The following PACSIN1 variants were observed in gnomAD, a reference collection of about 807,000 sequenced individuals.
The protein encoded by PACSIN1 is protein kinase C and casein kinase substrate in neurons protein 1.
A neutral mutation model predicts 59.5 loss-of-function variants in PACSIN1; 15 were observed. The ratio of observed to expected loss-of-function variants is 0.25; its 90% CI spans 0.17 to 0.39. The LOEUF (loss-of-function observed/expected upper bound fraction) is 0.39. PACSIN1 is among the 10% of genes least tolerant of loss of function. PACSIN1 has a pLI of 1.00. For missense variants in PACSIN1, 420 were observed against 580.2 expected (o/e 0.72, Z 2.84); for synonymous variants, 210 against 220.6 (o/e 0.95, Z 0.42).
chr6:34,498,006 C>G (rs1437537356), intron 1 of PACSIN1, among the ~76,000 whole-genome samples: 1 of 152,176 alleles, frequency 6.6e-6, no homozygotes, highest in Admixed American at 6.5e-5. Flanking sequence ...TGCCCCACCA[C>G]AGAGATTCTG....
At chr6:34,528,987 G>A in intron 4 of PACSIN1, 110 bp downstream of exon 4, 1 of 826,480 alleles carries the variant, frequency 1.2e-6, no homozygotes, top group Non-Finnish European at 1.9e-6. Flanking sequence ...TGCCCTCTGG[G>A]ATTGTGCCCA....
Position 34,530,462 on chromosome 6 carries a change from G to T in PACSIN1, c.912G>T (p.Glu304Asp), listed in dbSNP as rs778528359. ...GACTGCTCCACTGGCCCCACCAGGA[G>T]TGGAACCCAGACCTTCCTCACACCA... ...GMPMNWPQFE[E>D]WNPDLPHTTT... Residue 304 changes from glutamate to aspartate, a missense_variant and splice_region_variant, in exon 8 of 10, where the codon GAG becomes GAT. By Grantham distance (45) the Glu-to-Asp change is conservative (BLOSUM62 2). Transcript: ENST00000244458. The surrounding 1 kb of genome is among the most constrained non-coding windows in gnomAD (Gnocchi z 4.4). 3 of 1,600,256 alleles carry T rather than the reference G, an allele frequency of 1.9e-6. No individual in the cohort carries two copies. The highest frequency in any genetic ancestry group is 2.7e-5 in the African/African-American group (2 of 74,428).
At position 34,531,528 on chromosome 6, in the gene PACSIN1, T is replaced by C. The variant is rs1767592573; in HGVS notation, c.1038-72T>C. ...TAGAATTCGGGATCAGGGCTCTGAT[T>C]AGGAGGAGCGGTTAGCCCTCGGGAT... On this transcript the variant is annotated intron_variant, in intron 8 of 9. Coordinates refer to ENST00000244458, the MANE Select transcript of PACSIN1 (RefSeq NM_020804.5). The surrounding 1 kb of genome is among the most constrained non-coding windows in gnomAD (Gnocchi z 4.4). 6.7e-7 allele frequency: 1 copy of C among 1,489,410 alleles called. No individual in the cohort carries two copies. Among genetic ancestry groups the C allele is most frequent in the East Asian group, 2.3e-5 (1 of 43,694 alleles). 92.3% of individuals were successfully genotyped at this position (1,489,410 alleles called of 1,614,324 possible).
At chr6:34,506,721 A>C (rs996951960) in intron 1 of PACSIN1, among the ~76,000 whole-genome samples, 1 of 151,944 alleles carries the variant, frequency 6.6e-6, no homozygotes, top group African/African-American at 2.4e-5. Context: ...CAGTGGTGGG[A>C]GTTCTGGCAC....
intron 1 of PACSIN1, among the ~76,000 whole-genome samples, chr6:34,492,607 C>T (rs1270198682): frequency 6.6e-6 from 1 of 152,176 alleles, no homozygotes; most frequent in Non-Finnish European, 1.5e-5. Flanking sequence ...GTCTCGAACT[C>T]CTGACCTCAA....
At position 34,535,196 on chromosome 6, in the gene PACSIN1, CTG is replaced by C. The variant is rs1490911927; in HGVS notation, c.*2669_*2670del. On this transcript the variant is annotated 3_prime_UTR_variant, in exon 10 of 10. Coordinates refer to ENST00000244458, the MANE Select transcript of PACSIN1 (RefSeq NM_020804.5). Reference sequence around the variant, plus strand: ...ATATATATCAGTTGTGATTGTATGACTGTGGATAAAATCCAGAACTGTGTCAA... The same window carrying C: ...ATATATATCAGTTGTGATTGTATGACTGGATAAAATCCAGAACTGTGTCAA... 2 of 152,184 alleles carry C rather than the reference CTG, an allele frequency of 1.3e-5. No individual in the cohort carries two copies. Among genetic ancestry groups the C allele is most frequent in the Non-Finnish European group, 2.9e-5 (2 of 68,054 alleles). The allele number at this position is 152,184 out of a possible 1,614,324, so 9.4% of individuals were successfully genotyped here.
At chr6:34,527,187 G>C (rs2282250) in intron 2 of PACSIN1, 145 bp from the exon 3 acceptor site, 94 of 833,082 alleles carry the variant, frequency 1.1e-4, no homozygotes, top group Non-Finnish European at 1.4e-4. Flanking sequence ...GCCGCGGGGC[G>C]GGGGGCGGGG....
chr6:34,531,503 T>G lies in PACSIN1; in HGVS notation c.1038-97T>G, dbSNP rs1381652487. 7.8e-7 allele frequency: 1 copy of G among 1,277,866 alleles called. No individual in the cohort carries two copies. Among genetic ancestry groups the G allele is most frequent in the Non-Finnish European group, 1.1e-6 (1 of 900,724 alleles). The allele number at this position is 1,277,866 out of a possible 1,614,324, so 79.2% of individuals were successfully genotyped here. ...TGGCCAATCCTTGCTCTAGCCTTGG[T>G]AGAATTCGGGATCAGGGCTCTGATT... On this transcript the variant is annotated intron_variant, in intron 8 of 9. Coordinates refer to ENST00000244458, the MANE Select transcript of PACSIN1 (RefSeq NM_020804.5). This position sits in a 1 kb window ranked among gnomAD's most constrained non-coding sequence, Gnocchi z 4.4.
chr6:34,530,977 C>T lies in PACSIN1; in HGVS notation c.1037+390C>T, dbSNP rs761665997. Among the ~76,000 whole-genome samples the T allele has an allele frequency of 1.3e-5, 2 of 152,192 alleles. No individual in the cohort carries two copies. Among genetic ancestry groups the T allele is most frequent in the African/African-American group, 4.8e-5 (2 of 41,438 alleles). ...GAGGTGCAGCTCAGGCGATAATGCTCCCTCGCCTGTCACTCACCTCCTGCT... is the reference window on the plus strand; with the variant it reads ...GAGGTGCAGCTCAGGCGATAATGCTTCCTCGCCTGTCACTCACCTCCTGCT... On this transcript the variant is annotated intron_variant, in intron 8 of 9. Transcript: ENST00000244458. This position sits in a 1 kb window ranked among gnomAD's most constrained non-coding sequence, Gnocchi z 4.4.
At chr6:34,500,535 C>T (rs1437203675) in intron 1 of PACSIN1, among the ~76,000 whole-genome samples, 1 of 152,172 alleles carries the variant, frequency 6.6e-6, no homozygotes, top group Admixed American at 6.5e-5. Flanking sequence ...GGCTTCCAGG[C>T]TTTGTTGTTC....
intron 1 of PACSIN1, among the ~76,000 whole-genome samples, chr6:34,483,454 G>A (rs991190342): frequency 1.3e-5 from 2 of 152,012 alleles, no homozygotes; most frequent in Admixed American, 1.3e-4. Flanking sequence ...AGTGGCTTGC[G>A]CAGGGCCACG....
chr6:34,471,872 G>A lies in PACSIN1; in HGVS notation c.-64+5602G>A, dbSNP rs549094860. ...AGACCTCTTTGTACGCTGTGATTTC[G>A]GGCAGTTGTTCGTTCTGGGATTTAA... is the stretch of plus-strand genomic sequence containing the variant. On this transcript the variant is annotated intron_variant, in intron 1 of 9. Coordinates refer to ENST00000244458, the MANE Select transcript of PACSIN1 (RefSeq NM_020804.5). Among the ~76,000 whole-genome samples, 429 of 152,240 alleles carry A rather than the reference G, an allele frequency of 2.8e-3. 4 individuals are homozygous for A. Among genetic ancestry groups the A allele is most frequent in the African/African-American group, 9.8e-3 (406 of 41,528 alleles).
rs930588189 is a variant in PACSIN1 at position 34,530,830 on chromosome 6, A to G, written c.1037+243A>G. Reference sequence around the variant, plus strand: ...GGTGGTTTTCGGATGAAACTGTTCCACCTCAGATCATCAGGCGTTAGATTC... The same window carrying G: ...GGTGGTTTTCGGATGAAACTGTTCCGCCTCAGATCATCAGGCGTTAGATTC... On this transcript the variant is annotated intron_variant, in intron 8 of 9. Transcript: ENST00000244458. The surrounding 1 kb of genome is among the most constrained non-coding windows in gnomAD (Gnocchi z 4.4). Among the ~76,000 whole-genome samples, 5 of 152,122 alleles carry G rather than the reference A, an allele frequency of 3.3e-5. No individual in the cohort carries two copies. Among genetic ancestry groups the G allele is most frequent in the African/African-American group, 1.2e-4 (5 of 41,410 alleles).
In PACSIN1 at chr6:34,534,659, A is replaced by C. The variant is rs1257592100; in HGVS notation, c.*2129A>C. 2 of 152,702 alleles carry C rather than the reference A, an allele frequency of 1.3e-5. No individual in the cohort carries two copies. The highest frequency in any genetic ancestry group is 4.8e-5 in the African/African-American group (2 of 41,416). 9.5% of individuals were successfully genotyped at this position (152,702 alleles called of 1,614,324 possible). On this transcript the variant is annotated 3_prime_UTR_variant, in exon 10 of 10. Coordinates refer to ENST00000244458, the MANE Select transcript of PACSIN1 (RefSeq NM_020804.5). ...AGCTGGACTCCAGCCTGTCCCTCTT[A>C]GCACTCTAGCTGCCCACTCCAGGGC...
chr6:34,482,711 ACT>A (rs1766737639), intron 1 of PACSIN1, among the ~76,000 whole-genome samples: 2 of 146,278 alleles, frequency 1.4e-5, no homozygotes, highest in Non-Finnish European at 3.0e-5. Context: ...ACAGAGTCTC[ACT>A]CTGTTGCCCA....
chr6:34,526,578 C>A (rs1359777192), intron 2 of PACSIN1, among the ~76,000 whole-genome samples: 1 of 152,260 alleles, frequency 6.6e-6, no homozygotes, highest in Non-Finnish European at 1.5e-5. Context: ...CCCACAGCTG[C>A]CCCCAGAGAG....
chr6:34,522,215 G>A (rs1249112940), intron 1 of PACSIN1, among the ~76,000 whole-genome samples: 1 of 152,234 alleles, frequency 6.6e-6, no homozygotes, highest in Non-Finnish European at 1.5e-5. Context: ...GGCTTCGGCT[G>A]GAGCGAGGAT....
rs1392302957 is a variant in PACSIN1 at position 34,521,176 on chromosome 6, A to G, written c.-63-5067A>G. On this transcript the variant is annotated intron_variant, in intron 1 of 9. Transcript: ENST00000244458. This position sits in a 1 kb window ranked among gnomAD's most constrained non-coding sequence, Gnocchi z 4.3. ...GGAAGGAGGACACGCAACGTGATGA[A>G]TGCCGTGCTGTGGATGCCGTGTCCG... 6.6e-6 allele frequency among the ~76,000 whole-genome samples: 1 copy of G among 152,166 alleles called. No individual in the cohort carries two copies. The highest frequency in any genetic ancestry group is 1.5e-5 in the Non-Finnish European group (1 of 68,024).
At chr6:34,503,502 G>C (rs1418445558) in intron 1 of PACSIN1, among the ~76,000 whole-genome samples, 1 of 152,154 alleles carries the variant, frequency 6.6e-6, no homozygotes, top group Non-Finnish European at 1.5e-5. Flanking sequence ...ATTGAACACT[G>C]CTGCATGCCC....
Sources: allele counts gnomAD v4.1 joint callset (sites outside exome capture counted in the v4.1 genomes callset), GRCh38; gene constraint gnomAD v4.1.1; non-coding constraint Gnocchi (gnomAD v3.1); transcripts MANE v1.5; gene names NCBI Gene and HGNC (gene_info 2026-07-23, HGNC 2026-07-21).